The following TENM3 variants were observed in gnomAD, a reference collection of about 807,000 sequenced individuals.
The protein encoded by TENM3 is teneurin transmembrane protein 3.
In TENM3, 63 loss-of-function variants were observed where a neutral mutation model predicts 255.1. That is an observed-to-expected ratio of 0.25 (90% CI 0.20 to 0.30). The LOEUF (loss-of-function observed/expected upper bound fraction) is 0.30. Ranked by LOEUF, TENM3 falls within the 10% of genes least tolerant of loss-of-function variation. The pLI is 1.00. For synonymous variants in TENM3, 1,306 were observed against 1,322.3 expected, an observed-to-expected ratio of 0.99 and a Z score of 0.27; for missense variants, 2,929 against 3,461.1, an observed-to-expected ratio of 0.85 and a Z score of 3.86.
chr4:182,002,503 C>T, the TENM3 span, among the ~76,000 whole-genome samples: 1 of 152,052 alleles, frequency 6.6e-6, no homozygotes. Context: ...TCAAGAACTC[C>T]ACATTCTCGG....
the TENM3 span, among the ~76,000 whole-genome samples, chr4:182,122,019 A>G: frequency 3.3e-5 from 5 of 152,256 alleles, no homozygotes; most frequent in African/African-American, 7.2e-5. Context: ...TGTTCACAAC[A>G]TCTTCACCAG....
intron 19 of TENM3, among the ~76,000 whole-genome samples, chr4:182,745,700 G>A (rs1017943818): frequency 6.6e-6 from 1 of 151,960 alleles, no homozygotes; most frequent in Non-Finnish European, 1.5e-5. Context: ...CCACACAGCC[G>A]GTTTTTCTGT....
chr4:182,640,893 T>C (rs1433485819), intron 5 of TENM3, among the ~76,000 whole-genome samples: 1 of 152,196 alleles, frequency 6.6e-6, no homozygotes, highest in African/African-American at 2.4e-5. Flanking sequence ...AGAACGTTTT[T>C]CTCCTCTGCC....
chr4:182,562,344 T>C (rs1198571946), intron 3 of TENM3, among the ~76,000 whole-genome samples: 2 of 152,178 alleles, frequency 1.3e-5, no homozygotes, highest in African/African-American at 4.8e-5. Context: ...GAGTGCCATA[T>C]GCTGAATTGT....
At chr4:182,333,521 A>T (rs1763913218) in intron 2 of TENM3, among the ~76,000 whole-genome samples, 1 of 152,170 alleles carries the variant, frequency 6.6e-6, no homozygotes, top group Non-Finnish European at 1.5e-5. Flanking sequence ...TTTTGGAAAA[A>T]ATTTAGAAAG....
chr4:182,539,679 C>A (rs972168321), intron 3 of TENM3, among the ~76,000 whole-genome samples: 30 of 152,202 alleles, frequency 2.0e-4, no homozygotes, highest in African/African-American at 7.2e-4. Flanking sequence ...CTAAGCACAA[C>A]TATTAACTTC....
At chr4:181,895,909 T>C in the TENM3 span, among the ~76,000 whole-genome samples, 1 of 152,152 alleles carries the variant, frequency 6.6e-6, no homozygotes, top group Non-Finnish European at 1.5e-5. Context: ...ATTTTAATTG[T>C]GTCTCCATTG....
the TENM3 span, among the ~76,000 whole-genome samples, chr4:181,916,976 G>A: frequency 1.3e-5 from 2 of 152,100 alleles, no homozygotes; most frequent in East Asian, 3.9e-4. Flanking sequence ...AATTTAACAT[G>A]TTCCATTGGT....
the TENM3 span, among the ~76,000 whole-genome samples, chr4:181,613,051 T>C: frequency 6.6e-6 from 1 of 152,334 alleles, no homozygotes; most frequent in East Asian, 1.9e-4. Flanking sequence ...GTATAGTTAC[T>C]CTAATGCCTA....
At chr4:181,850,063 TTC>T in the TENM3 span, among the ~76,000 whole-genome samples, 2 of 151,570 alleles carry the variant, frequency 1.3e-5, no homozygotes, top group South Asian at 2.1e-4. Flanking sequence ...TGCCTTTCTC[TTC>T]TCTCTCTTTC....
the TENM3 span, among the ~76,000 whole-genome samples, chr4:182,005,656 G>A: frequency 8.6e-5 from 13 of 152,042 alleles, no homozygotes; most frequent in East Asian, 3.9e-4. Flanking sequence ...AAATTACTTC[G>A]GGCAGTATGG....
intron 6 of TENM3, among the ~76,000 whole-genome samples, chr4:182,654,654 T>G (rs999560085): frequency 5.3e-5 from 8 of 152,174 alleles, no homozygotes; most frequent in African/African-American, 1.9e-4. Flanking sequence ...ATTATTTCCC[T>G]TTAAGCATTC....
At chr4:182,318,037 T>C (rs1207739997) in intron 1 of TENM3, among the ~76,000 whole-genome samples, 2 of 152,194 alleles carry the variant, frequency 1.3e-5, no homozygotes, top group East Asian at 3.8e-4. Context: ...AATGTGTTGG[T>C]GTAAATTAGT....
At chr4:182,489,295 T>A (rs566131511) in intron 3 of TENM3, among the ~76,000 whole-genome samples, 72 of 152,310 alleles carry the variant, frequency 4.7e-4, no homozygotes, top group African/African-American at 1.7e-3. Flanking sequence ...TCTTCTCTAA[T>A]TTTTTATGTA....
intron 18 of TENM3, among the ~76,000 whole-genome samples, chr4:182,739,844 T>C (rs1446625634): frequency 6.6e-6 from 1 of 152,182 alleles, no homozygotes; most frequent in Non-Finnish European, 1.5e-5. Context: ...GAGACCAGCC[T>C]GGCCAACATG....
At chr4:181,826,803 A>G in the TENM3 span, among the ~76,000 whole-genome samples, 54 of 152,150 alleles carry the variant, frequency 3.5e-4, no homozygotes, top group Admixed American at 3.5e-3. Flanking sequence ...TATTCTTTAA[A>G]AGCTCCCCAG....
chr4:182,466,853 G>GT (rs57656357), intron 3 of TENM3, among the ~76,000 whole-genome samples: 64,875 of 143,650 alleles, frequency 0.45, 15,658 homozygotes, highest in East Asian at 0.71. Context: ...GCTGTCTTCA[G>GT]TTTTTTTTTT....
At chr4:181,626,285 A>AT in the TENM3 span, among the ~76,000 whole-genome samples, 1 of 152,184 alleles carries the variant, frequency 6.6e-6, no homozygotes, top group Non-Finnish European at 1.5e-5. Context: ...GCTGGAGGGC[A>AT]TGGTGCCAGA....
chr4:181,863,009 G>A, the TENM3 span, among the ~76,000 whole-genome samples: 25 of 152,200 alleles, frequency 1.6e-4, no homozygotes, highest in South Asian at 1.2e-3. Context: ...TCACAAATAC[G>A]CATGAAAAAT....
Sources: gnomAD v4.1 joint callset for allele counts (sites outside exome capture counted in the v4.1 genomes callset) on GRCh38, gnomAD v4.1.1 for gene constraint, MANE v1.5 for transcripts, NCBI Gene and HGNC (gene_info 2026-07-23, HGNC 2026-07-21) for gene names.